PCGF3: variants seen among roughly 807,000 people sequenced by gnomAD.
PCGF3 encodes the protein polycomb group ring finger 3, also known as polycomb group RING finger protein 3.
A neutral mutation model predicts 33.1 loss-of-function variants in PCGF3; 7 were observed. That is an observed-to-expected ratio of 0.21 (90% CI 0.12 to 0.40). The LOEUF is 0.40. PCGF3 is among the 10% of genes least tolerant of loss of function. The probability of loss-of-function intolerance (pLI) is 1.00; values close to 1 mark genes in which losing one functional copy is unlikely to be tolerated. For missense variants in PCGF3, 211 were observed against 313.3 expected (o/e 0.67, Z 2.46); for synonymous variants, 153 against 121.3 (o/e 1.26, Z -1.72).
At chr4:743,807 G>C (rs1744197925) in intron 7 of PCGF3, 8 of 460,974 alleles carry the variant, frequency 1.7e-5, no homozygotes, top group Non-Finnish European at 2.7e-5. Flanking sequence ...GAGCAGGAGG[G>C]CCCCCCGAGA....
intron 9 of PCGF3, among the ~76,000 whole-genome samples, chr4:763,436 A>C (rs1046295134): frequency 3.9e-5 from 6 of 152,168 alleles, no homozygotes; most frequent in Admixed American, 2.6e-4. Flanking sequence ...CCAGCCACTC[A>C]GGCAGGTGGG....
At chr4:761,098 C>T (rs148809348) in intron 8 of PCGF3, among the ~76,000 whole-genome samples, 181 bp from the exon 9 acceptor site, 1 of 152,306 alleles carries the variant, frequency 6.6e-6, no homozygotes, top group Non-Finnish European at 1.5e-5. Flanking sequence ...AGACGATAAA[C>T]AGGTTTTCAG....
Position 761,235 on chromosome 4 carries a change from GGGGAACCCTCCT to G in PCGF3, c.463-42_463-31del, listed in dbSNP as rs1272197211. ...CTAAGGAAGCCTCCAGAACCGTCCG[GGGGAACCCTCCT>G]GCTGCGCTCTCACCAGCGTCCTTTC... On this transcript the variant is annotated intron_variant, in intron 8 of 10. Coordinates refer to ENST00000362003, the Ensembl canonical transcript of PCGF3. The G allele has an allele frequency of 2.0e-6, 3 of 1,514,148 alleles. No homozygotes were observed. The South Asian group carries it at 3.9e-5, about 19-fold the overall frequency. 93.8% of individuals were successfully genotyped at this position (1,514,148 alleles called of 1,614,324 possible). A position where few individuals can be genotyped will look rare whatever the true frequency, so the allele number is the denominator to read the frequency against.
chr4:748,661 A>T (rs1397016585), intron 8 of PCGF3, among the ~76,000 whole-genome samples: 3 of 152,140 alleles, frequency 2.0e-5, no homozygotes, highest in Non-Finnish European at 2.9e-5. Flanking sequence ...AAGCGAGGAA[A>T]TCACCTTCTT....
At chr4:744,297 G>A (rs1744218702) in intron 7 of PCGF3, among the ~76,000 whole-genome samples, 2 of 152,254 alleles carry the variant, frequency 1.3e-5, no homozygotes, top group Non-Finnish European at 2.9e-5. Flanking sequence ...AGCAGCTCCG[G>A]GCGGGCCTGG....
chr4:751,873 T>C (rs1744530080), intron 8 of PCGF3, among the ~76,000 whole-genome samples: 1 of 152,122 alleles, frequency 6.6e-6, no homozygotes, highest in Non-Finnish European at 1.5e-5. Context: ...TTCTCCATCA[T>C]CTGACGGGCG....
chr4:749,476 CTTTTTTTT>C (rs71640348), intron 8 of PCGF3, among the ~76,000 whole-genome samples: 3,522 of 75,548 alleles, frequency 0.047, 128 homozygotes, highest in South Asian at 0.14. Flanking sequence ...ATTTTCTTTC[CTTTTTTTT>C]TTTTTTTTTT....
chr4:731,448 T>A (rs1186241727), intron 3 of PCGF3: 1 of 331,244 alleles, frequency 3.0e-6, no homozygotes, highest in Non-Finnish European at 5.5e-6. Context: ...TCGGCTAGCA[T>A]CCTGCAGGGA....
intron 8 of PCGF3, chr4:757,200 C>T (rs1744805749): frequency 2.1e-5 from 3 of 142,596 alleles, no homozygotes; most frequent in Admixed American, 1.4e-4. Flanking sequence ...TGTGTGTCTG[C>T]GTTTTCCCGC....
At chr4:765,109 T>G (rs1246203366) in intron 10 of PCGF3, 45 bp downstream of exon 10, 1 of 1,334,710 alleles carries the variant, frequency 7.5e-7, no homozygotes, top group African/African-American at 1.4e-5. Context: ...TGAATGGCAG[T>G]GACTTTGCTG....
chr4:711,072 G>A (rs1251588805), intron 1 of PCGF3, among the ~76,000 whole-genome samples: 3 of 152,262 alleles, frequency 2.0e-5, no homozygotes, highest in African/African-American at 7.2e-5. Flanking sequence ...ACTACTGTGA[G>A]CCAGAGCCTC....
chr4:764,390 G>T (rs911300932), intron 9 of PCGF3: 1 of 152,466 alleles, frequency 6.6e-6, no homozygotes, highest in South Asian at 2.1e-4. Flanking sequence ...TGGGGAGAGG[G>T]TGCCCCTGGA....
At chr4:755,799 A>G (rs1362782460) in intron 8 of PCGF3, among the ~76,000 whole-genome samples, 1 of 151,928 alleles carries the variant, frequency 6.6e-6, no homozygotes, top group Non-Finnish European at 1.5e-5. Context: ...CCATTGTGCC[A>G]AAACAACAAG....
At chr4:766,379 C>T in exon 11 of PCGF3, 1 of 293,676 alleles carries the variant, frequency 3.4e-6, no homozygotes, top group Non-Finnish European at 6.3e-6. Context: ...CACCTTCTGA[C>T]ACGAGCTCCC....
chr4:711,490 G>C (rs1478614289), intron 1 of PCGF3, among the ~76,000 whole-genome samples: 1 of 128,154 alleles, frequency 7.8e-6, no homozygotes, highest in African/African-American at 2.9e-5. Flanking sequence ...TCGCTCTGTC[G>C]CCCAGGCCGG....
At chr4:765,993 C>T in intron 10 of PCGF3, 39 bp from the exon 11 acceptor site, 1 of 1,602,620 alleles carries the variant, frequency 6.2e-7, no homozygotes, top group Non-Finnish European at 8.5e-7. Flanking sequence ...TCGCCTCCAC[C>T]CCTGCTAAGC....
intron 6 of PCGF3, among the ~76,000 whole-genome samples, chr4:742,463 T>C (rs898518466): frequency 3.9e-5 from 6 of 152,240 alleles, no homozygotes; most frequent in Admixed American, 3.3e-4. Context: ...GCACATACGT[T>C]ACTTTTCAGA....
At chr4:768,291 C>T (rs1445082244) in exon 11 of PCGF3, 2 of 152,660 alleles carry the variant, frequency 1.3e-5, no homozygotes, top group Non-Finnish European at 2.9e-5. Flanking sequence ...GCCCTGGGGC[C>T]TCTGCCTCTC....
intron 1 of PCGF3, among the ~76,000 whole-genome samples, chr4:726,675 C>T (rs942893154): frequency 3.3e-5 from 5 of 152,126 alleles, no homozygotes; most frequent in African/African-American, 1.2e-4. Flanking sequence ...CTCACCCACC[C>T]GGCCCTGGTT....
Sources: gnomAD v4.1 joint callset for allele counts (sites outside exome capture counted in the v4.1 genomes callset) on GRCh38, gnomAD v4.1.1 for gene constraint, MANE v1.5 for transcripts, NCBI Gene and HGNC (gene_info 2026-07-23, HGNC 2026-07-21) for gene names.